Variants in FBXL7 observed in about 807,000 individuals in gnomAD.
FBXL7 encodes the protein F-box and leucine rich repeat protein 7.
A neutral mutation model predicts 38.3 loss-of-function variants in FBXL7; 12 were observed. That is an observed-to-expected ratio of 0.31 (90% CI 0.20 to 0.51). FBXL7 has a LOEUF of 0.51. Ranked by LOEUF, FBXL7 falls within the 20% of genes least tolerant of loss-of-function variation. The pLI, the probability that FBXL7 is intolerant of heterozygous loss-of-function variation, is 0.98. For synonymous variants in FBXL7, 297 were observed against 300.9 expected, an observed-to-expected ratio of 0.99 and a Z score of 0.13; for missense variants, 567 against 676.4, an observed-to-expected ratio of 0.84 and a Z score of 1.79.
At chr5:15,810,557 G>A (rs1400311140) in intron 2 of FBXL7, among the ~76,000 whole-genome samples, 3 of 106,106 alleles carry the variant, frequency 2.8e-5, no homozygotes, top group Non-Finnish European at 4.5e-5. Context: ...GCAAAACTCC[G>A]TCTCAAAAAA....
At chr5:15,824,392 T>C (rs1209845780) in intron 2 of FBXL7, among the ~76,000 whole-genome samples, 1 of 152,092 alleles carries the variant, frequency 6.6e-6, no homozygotes, top group Non-Finnish European at 1.5e-5. Context: ...CTGTGGCTTA[T>C]TTTCTCAGGT....
At chr5:15,933,448 T>C (rs140251838) in intron 3 of FBXL7, among the ~76,000 whole-genome samples, 3 of 152,326 alleles carry the variant, frequency 2.0e-5, no homozygotes, top group African/African-American at 7.2e-5. Flanking sequence ...AGTGTCTTTA[T>C]AGGCGTCACA....
At chr5:15,719,768 G>C (rs1313522348) in intron 2 of FBXL7, among the ~76,000 whole-genome samples, 2 of 148,938 alleles carry the variant, frequency 1.3e-5, no homozygotes, top group African/African-American at 4.9e-5. Flanking sequence ...GGAAACATCA[G>C]ACATTCTGTA....
In FBXL7 at chr5:15,500,676, G is replaced by A. The variant is rs1319552017; in HGVS notation, c.-1G>A. The stretch of plus-strand genomic sequence containing the variant: ...GAGACGGCGGGCATGACGGCTACAG[G>A]ATGGGCGCGAACAATGGCAAACAGT... On this transcript the variant is annotated 5_prime_UTR_variant, in exon 1 of 4. Coordinates refer to ENST00000504595, the MANE Select transcript of FBXL7 (RefSeq NM_012304.5). 2 of 1,612,400 alleles carry A rather than the reference G, an allele frequency of 1.2e-6. No homozygotes were observed. Among genetic ancestry groups the A allele is most frequent in the Admixed American group, 1.7e-5 (1 of 59,954 alleles).
chr5:15,800,119 A>G (rs549118593), intron 2 of FBXL7, among the ~76,000 whole-genome samples: 38 of 152,176 alleles, frequency 2.5e-4, no homozygotes, highest in Non-Finnish European at 5.1e-4. Context: ...GGAGGAGCAC[A>G]CAATGAAACA....
chr5:15,507,345 G>A (rs770877266), intron 1 of FBXL7, among the ~76,000 whole-genome samples: 1 of 152,078 alleles, frequency 6.6e-6, no homozygotes, highest in Non-Finnish European at 1.5e-5. Context: ...ATATTTTTTC[G>A]AGATTTGGGG....
chr5:15,717,108 G>C (rs1744063965), intron 2 of FBXL7, among the ~76,000 whole-genome samples: 1 of 152,144 alleles, frequency 6.6e-6, no homozygotes, highest in Non-Finnish European at 1.5e-5. Flanking sequence ...TATCTTCAAA[G>C]ACTTACAGAT....
intron 2 of FBXL7, among the ~76,000 whole-genome samples, chr5:15,729,436 A>G (rs1735513747): frequency 6.6e-6 from 1 of 152,158 alleles, no homozygotes; most frequent in African/African-American, 2.4e-5. Context: ...CATGTTCCAA[A>G]TAATGACATG....
chr5:15,806,750 AG>A (rs888004551), intron 2 of FBXL7, among the ~76,000 whole-genome samples: 5 of 152,110 alleles, frequency 3.3e-5, no homozygotes, highest in African/African-American at 1.2e-4. Context: ...CACAGGAGAC[AG>A]GGGGCCCACG....
intron 2 of FBXL7, among the ~76,000 whole-genome samples, chr5:15,709,909 C>T (rs1182158962): frequency 6.6e-6 from 1 of 152,082 alleles, no homozygotes; most frequent in African/African-American, 2.4e-5. Flanking sequence ...TTTGTAAGAA[C>T]ACTAATTCTA....
chr5:15,589,560 C>G (rs1739409314), intron 1 of FBXL7, among the ~76,000 whole-genome samples: 2 of 152,110 alleles, frequency 1.3e-5, no homozygotes, highest in Non-Finnish European at 2.9e-5. Flanking sequence ...TATAAACTAC[C>G]CAGCTTCAAG....
At chr5:15,613,406 G>A (rs1329643055) in intron 1 of FBXL7, among the ~76,000 whole-genome samples, 2 of 152,172 alleles carry the variant, frequency 1.3e-5, no homozygotes, top group East Asian at 3.9e-4. Context: ...CAGATAAATG[G>A]CCACAGCTGC....
At chr5:15,694,349 G>A (rs905957893) in intron 2 of FBXL7, among the ~76,000 whole-genome samples, 1 of 152,168 alleles carries the variant, frequency 6.6e-6, no homozygotes, top group Non-Finnish European at 1.5e-5. Flanking sequence ...AGCAGGTGGG[G>A]CAGTTAACAC....
At chr5:15,723,175 A>T (rs891971365) in intron 2 of FBXL7, among the ~76,000 whole-genome samples, 2 of 152,192 alleles carry the variant, frequency 1.3e-5, no homozygotes, top group Non-Finnish European at 2.9e-5. Context: ...GATTCAGTGT[A>T]GGGTGAATAT....
chr5:15,571,256 G>GC (rs1286494447), intron 1 of FBXL7, among the ~76,000 whole-genome samples: 2 of 151,938 alleles, frequency 1.3e-5, no homozygotes, highest in African/African-American at 4.8e-5. Context: ...TCTAAACAAT[G>GC]CCGCCTCACT....
chr5:15,871,895 T>G (rs1235120481), intron 2 of FBXL7, among the ~76,000 whole-genome samples: 1 of 152,100 alleles, frequency 6.6e-6, no homozygotes, highest in Non-Finnish European at 1.5e-5. Flanking sequence ...TTATCCACCA[T>G]AGCAAGATAG....
chr5:15,785,114 A>G (rs1490497850), intron 2 of FBXL7, among the ~76,000 whole-genome samples: 2 of 152,174 alleles, frequency 1.3e-5, no homozygotes, highest in African/African-American at 4.8e-5. Flanking sequence ...AGAATTTCAG[A>G]AAAACAGCTT....
chr5:15,709,896 C>A (rs1743810091), intron 2 of FBXL7, among the ~76,000 whole-genome samples: 2 of 152,080 alleles, frequency 1.3e-5, no homozygotes, highest in Non-Finnish European at 2.9e-5. Flanking sequence ...TCCCTGGAGC[C>A]CTTTTGTAAG....
At chr5:15,664,860 A>G (rs1742216064) in intron 2 of FBXL7, among the ~76,000 whole-genome samples, 2 of 91,908 alleles carry the variant, frequency 2.2e-5, no homozygotes, top group African/African-American at 4.4e-5. Flanking sequence ...GGCCTTTGGT[A>G]GTAAATTTTT....
Sources: allele counts gnomAD v4.1 joint callset (sites outside exome capture counted in the v4.1 genomes callset), GRCh38; gene constraint gnomAD v4.1.1; transcripts MANE v1.5; gene names NCBI Gene and HGNC (gene_info 2026-07-23, HGNC 2026-07-21).